Variants in STXBP5L observed in about 807,000 individuals in gnomAD.
The protein encoded by STXBP5L is syntaxin-binding protein 5-like.
STXBP5L carries 65 observed loss-of-function variants against 144.5 expected under a neutral mutation model. The ratio of observed to expected loss-of-function variants is 0.45; its 90% CI spans 0.37 to 0.55. The LOEUF is 0.55. STXBP5L is among the 20% of genes least tolerant of loss of function. STXBP5L has a pLI of 0.00. For missense variants in STXBP5L, 1,298 were observed against 1,405.5 expected, an observed-to-expected ratio of 0.92 and a Z score of 1.22; for synonymous variants, 505 against 469.6, an observed-to-expected ratio of 1.08 and a Z score of -0.97.
At chr3:121,068,828 T>C (rs1165819008) in intron 5 of STXBP5L, among the ~76,000 whole-genome samples, 2 of 152,210 alleles carry the variant, frequency 1.3e-5, no homozygotes, top group Non-Finnish European at 2.9e-5. Flanking sequence ...AAAATTTTTC[T>C]TTATTCTTTA....
chr3:121,326,660 G>A (rs932916801), intron 20 of STXBP5L, among the ~76,000 whole-genome samples: 7 of 152,122 alleles, frequency 4.6e-5, no homozygotes, highest in African/African-American at 1.7e-4. Flanking sequence ...CAATTTTAGA[G>A]AAAAATTTGA....
chr3:121,095,755 T>G (rs921640783), intron 5 of STXBP5L, among the ~76,000 whole-genome samples: 1 of 150,214 alleles, frequency 6.7e-6, no homozygotes, highest in African/African-American at 2.4e-5. Context: ...CTCGGAGAAG[T>G]TTGATCGTCT....
At chr3:121,390,246 C>A (rs987287047) in intron 22 of STXBP5L, among the ~76,000 whole-genome samples, 1 of 152,074 alleles carries the variant, frequency 6.6e-6, no homozygotes, top group Non-Finnish European at 1.5e-5. Flanking sequence ...CTTGGTAGAT[C>A]TTCCTCCATC....
At chr3:121,205,825 A>G (rs1348764691) in intron 9 of STXBP5L, 98 bp from the exon 10 acceptor site, 29 of 559,694 alleles carry the variant, frequency 5.2e-5, no homozygotes, top group Non-Finnish European at 6.3e-5. Flanking sequence ...AATTAACATT[A>G]TTATTCCTTT....
intron 5 of STXBP5L, among the ~76,000 whole-genome samples, chr3:121,077,696 G>C (rs748513971): frequency 6.6e-6 from 1 of 152,142 alleles, no homozygotes; most frequent in Non-Finnish European, 1.5e-5. Context: ...TTTTGACCGG[G>C]TGCTGATTGG....
chr3:121,387,691 G>A (rs1453884199), intron 22 of STXBP5L, among the ~76,000 whole-genome samples: 1 of 152,086 alleles, frequency 6.6e-6, no homozygotes, highest in Non-Finnish European at 1.5e-5. Context: ...TTTTTGTCAG[G>A]TTTGTCAAAG....
intron 12 of STXBP5L, among the ~76,000 whole-genome samples, chr3:121,234,122 T>G (rs1200617669): frequency 6.6e-6 from 1 of 152,182 alleles, no homozygotes; most frequent in Non-Finnish European, 1.5e-5. Flanking sequence ...TATTCCTTTT[T>G]CATTATGTCA....
At chr3:120,951,906 A>C (rs1012305784) in intron 2 of STXBP5L, among the ~76,000 whole-genome samples, 14 of 152,074 alleles carry the variant, frequency 9.2e-5, no homozygotes, top group African/African-American at 3.4e-4. Flanking sequence ...GAACCAATCC[A>C]AATGTCCAAC....
chr3:121,048,986 C>T (rs1040378183), intron 5 of STXBP5L, among the ~76,000 whole-genome samples: 1 of 152,198 alleles, frequency 6.6e-6, no homozygotes, highest in African/African-American at 2.4e-5. Context: ...GCAACAGGAG[C>T]AAGGGCTGCA....
chr3:121,418,666 G>A, intron 26 of STXBP5L, 109 bp downstream of exon 26: 1 of 1,043,114 alleles, frequency 9.6e-7, no homozygotes, highest in Non-Finnish European at 1.4e-6. Context: ...TCCTGTATGA[G>A]AATCATGGTA....
intron 18 of STXBP5L, among the ~76,000 whole-genome samples, chr3:121,274,962 G>A (rs948309131): frequency 6.6e-6 from 1 of 152,170 alleles, no homozygotes; most frequent in African/African-American, 2.4e-5. Flanking sequence ...TAAGAGAGCA[G>A]TCAGTTATTT....
intron 5 of STXBP5L, among the ~76,000 whole-genome samples, chr3:121,048,728 C>A (rs6438599): frequency 0.015 from 2,235 of 151,350 alleles, 62 homozygotes; most frequent in South Asian, 0.1. Context: ...CTCTATTGCC[C>A]AGGCTGGAGT....
chr3:120,979,469 G>C (rs566265728), intron 3 of STXBP5L, among the ~76,000 whole-genome samples: 1 of 152,280 alleles, frequency 6.6e-6, no homozygotes, highest in South Asian at 2.1e-4. Context: ...CTTTGACTAG[G>C]AAAGGGAACT....
intron 3 of STXBP5L, among the ~76,000 whole-genome samples, chr3:120,958,078 C>A (rs145495838): frequency 0.099 from 15,096 of 152,064 alleles, 1,178 homozygotes; most frequent in Admixed American, 0.2. Context: ...AAGGGGATAT[C>A]ACCACCGATC....
chr3:121,322,704 G>T (rs1000715683), intron 20 of STXBP5L, among the ~76,000 whole-genome samples: 1 of 151,684 alleles, frequency 6.6e-6, no homozygotes, highest in South Asian at 2.1e-4. Context: ...GAGGGGGTGC[G>T]GATATATGCC....
intron 5 of STXBP5L, among the ~76,000 whole-genome samples, chr3:121,066,200 T>G (rs1184442757): frequency 6.6e-6 from 1 of 152,166 alleles, no homozygotes; most frequent in African/African-American, 2.4e-5. Context: ...AGTACAGTAC[T>G]GACTAAAATG....
chr3:120,956,228 A>G (rs1178310270), intron 3 of STXBP5L, among the ~76,000 whole-genome samples: 1 of 151,916 alleles, frequency 6.6e-6, no homozygotes, highest in Non-Finnish European at 1.5e-5. Context: ...ATTCAGCGTT[A>G]TTAAATACAT....
chr3:121,342,560 A>T lies in STXBP5L; in HGVS notation c.2176+24020A>T, dbSNP rs544635984. On this transcript the variant is annotated intron_variant, in intron 20 of 26. Coordinates refer to ENST00000471454, the MANE Select transcript of STXBP5L (RefSeq NM_001308330.2). ...CCCCTTCCTGTGTCCATGTGTTCTC[A>T]TTGTTCAATTCCACCTATGAGTGAG... is the stretch of plus-strand genomic sequence containing the variant. Among the ~76,000 whole-genome samples the T allele has an allele frequency of 1.2e-3, 159 of 133,692 alleles. 1 individual carries two copies. The highest frequency in any genetic ancestry group is 8.7e-3 in the Middle Eastern group (2 of 230). 87.7% of individuals were successfully genotyped at this position (133,692 alleles called of 152,430 possible).
rs147781917 is a variant in STXBP5L, at chr3:121,421,541, T to C, written c.*2444T>C. On this transcript the variant is annotated 3_prime_UTR_variant, in exon 27 of 27. Coordinates refer to ENST00000471454, the MANE Select transcript of STXBP5L (RefSeq NM_001308330.2). ...CACTATTCTACATCATACAAAGAGG[T>C]AGATTGTGTGAATATGTAATATATG... 1 of 152,176 alleles carries C rather than the reference T, an allele frequency of 6.6e-6. No individual in the cohort carries two copies. The highest frequency in any genetic ancestry group is 2.4e-5 in the African/African-American group (1 of 41,446). The allele number at this position is 152,176 out of a possible 1,614,324, so 9.4% of individuals were successfully genotyped here. A position where few individuals can be genotyped will look rare whatever the true frequency, so the allele number is the denominator to read the frequency against.
Sources: allele counts gnomAD v4.1 joint callset (sites outside exome capture counted in the v4.1 genomes callset), GRCh38; gene constraint gnomAD v4.1.1; transcripts MANE v1.5; gene names NCBI Gene and HGNC (gene_info 2026-07-23, HGNC 2026-07-21).